Variants in PRPSAP2 observed in about 807,000 individuals in gnomAD.
PRPSAP2 encodes phosphoribosyl pyrophosphate synthetase associated protein 2.
A neutral mutation model predicts 40.6 loss-of-function variants in PRPSAP2; 24 were observed. The observed-to-expected ratio is 0.59, with a 90% confidence interval of 0.43 to 0.83. The LOEUF is 0.83. Among genes scored for constraint, PRPSAP2 ranks in the 40% least tolerant of loss-of-function variants. The pLI is 0.00. For missense variants in PRPSAP2, 292 were observed against 465.6 expected (o/e 0.63, Z 3.43); for synonymous variants, 149 against 164.7 (o/e 0.90, Z 0.73).
At chr17:18,908,304 A>G in intron 8 of PRPSAP2, 9 of 776,640 alleles carry the variant, frequency 1.2e-5, no homozygotes, top group Non-Finnish European at 1.4e-5. Context: ...GAGGACCATG[A>G]TACTTCCACT....
At chr17:18,861,110 T>C (rs1486761296) in intron 1 of PRPSAP2, among the ~76,000 whole-genome samples, 1 of 152,150 alleles carries the variant, frequency 6.6e-6, no homozygotes, top group African/African-American at 2.4e-5. Context: ...ACTCTTTTCT[T>C]GAAGCTTGGT....
At chr17:18,904,672 A>T (rs2040474049) in intron 8 of PRPSAP2, 1 of 152,228 alleles carries the variant, frequency 6.6e-6, no homozygotes, top group Non-Finnish European at 1.5e-5. Context: ...AGTTGTTTTG[A>T]CTAAAAGGGA....
intron 7 of PRPSAP2, among the ~76,000 whole-genome samples, chr17:18,888,800 G>A (rs2039347687): frequency 7.0e-6 from 1 of 142,716 alleles, no homozygotes; most frequent in South Asian, 2.2e-4. Context: ...CCGGGCAGAG[G>A]GGCTCCTCAC....
intron 8 of PRPSAP2, among the ~76,000 whole-genome samples, chr17:18,900,177 G>A (rs1349215413): frequency 6.6e-6 from 1 of 151,844 alleles, no homozygotes; most frequent in Non-Finnish European, 1.5e-5. Context: ...GAGCCACCGT[G>A]CCTGGCTGCT....
chr17:18,872,440 G>T, intron 4 of PRPSAP2, 143 bp from the exon 5 acceptor site: 1 of 640,398 alleles, frequency 1.6e-6, no homozygotes, highest in East Asian at 2.7e-5. Flanking sequence ...ATTATCCCTT[G>T]TAACATCTAA....
intron 5 of PRPSAP2, among the ~76,000 whole-genome samples, chr17:18,875,541 G>C: frequency 6.6e-6 from 1 of 151,596 alleles, no homozygotes; most frequent in East Asian, 1.9e-4. Context: ...TTCCAGCCTG[G>C]GTAAAAGAAC....
chr17:18,860,477 G>T (rs533309655), intron 1 of PRPSAP2: 1 of 152,358 alleles, frequency 6.6e-6, no homozygotes, highest in South Asian at 2.1e-4. Context: ...TGTGGCAGCT[G>T]CACAGGGTAT....
intron 9 of PRPSAP2, among the ~76,000 whole-genome samples, chr17:18,921,089 C>T (rs527800251): frequency 2.6e-5 from 4 of 152,218 alleles, no homozygotes; most frequent in Non-Finnish European, 4.4e-5. Flanking sequence ...CTCCCAGGCT[C>T]AAGCGATTTG....
intron 11 of PRPSAP2, 98 bp from the exon 12 acceptor site, chr17:18,930,442 T>C: frequency 8.4e-7 from 1 of 1,184,464 alleles, no homozygotes; most frequent in Non-Finnish European, 1.2e-6. Flanking sequence ...TTTCCTGTCG[T>C]GGCAAGCCTC....
At chr17:18,902,454 A>G (rs916709166) in intron 8 of PRPSAP2, among the ~76,000 whole-genome samples, 1 of 152,192 alleles carries the variant, frequency 6.6e-6, no homozygotes, top group African/African-American at 2.4e-5. Context: ...AAACAGACCC[A>G]CAGAGATGAA....
At chr17:18,889,027 A>C (rs2039367680) in intron 7 of PRPSAP2, among the ~76,000 whole-genome samples, 1 of 152,228 alleles carries the variant, frequency 6.6e-6, no homozygotes, top group Non-Finnish European at 1.5e-5. Context: ...AGACAAGGAA[A>C]TACATGAAAA....
chr17:18,885,293 CAA>C (rs2039049837), intron 7 of PRPSAP2, among the ~76,000 whole-genome samples: 2 of 148,552 alleles, frequency 1.3e-5, no homozygotes, highest in South Asian at 4.3e-4. Context: ...CCCCCCTACT[CAA>C]GAGGATGAGA....
chr17:18,875,651 C>G (rs749947708), intron 5 of PRPSAP2, among the ~76,000 whole-genome samples: 1 of 151,342 alleles, frequency 6.6e-6, no homozygotes, highest in Non-Finnish European at 1.5e-5. Context: ...ATCAGGAGTT[C>G]AAGACCAGCC....
chr17:18,915,008 G>A (rs2151958899), intron 9 of PRPSAP2, among the ~76,000 whole-genome samples: 1 of 148,064 alleles, frequency 6.8e-6, no homozygotes, highest in South Asian at 2.2e-4. Flanking sequence ...TTACAGACAT[G>A]AACCACTGCA....
intron 8 of PRPSAP2, among the ~76,000 whole-genome samples, chr17:18,890,764 GT>G (rs1255566591): frequency 6.7e-6 from 1 of 150,042 alleles, no homozygotes; most frequent in African/African-American, 2.5e-5. Context: ...CTTCATAGTT[GT>G]TTACTGCCCC....
chr17:18,874,555 C>A (rs1437030068), intron 5 of PRPSAP2, among the ~76,000 whole-genome samples: 1 of 152,170 alleles, frequency 6.6e-6, no homozygotes, highest in Non-Finnish European at 1.5e-5. Context: ...GCAGGGGAGA[C>A]CTGTCCTTGC....
chr17:18,907,001 A>G (rs2040634820), intron 8 of PRPSAP2, among the ~76,000 whole-genome samples: 1 of 151,840 alleles, frequency 6.6e-6, no homozygotes, highest in South Asian at 2.1e-4. Flanking sequence ...CCTGCTCTTC[A>G]TATGTCATGT....
chr17:18,881,301 T>TCTCGGCTCACTGCAAC (rs2038715849), intron 6 of PRPSAP2, among the ~76,000 whole-genome samples: 3 of 151,644 alleles, frequency 2.0e-5, no homozygotes, highest in African/African-American at 7.3e-5. Flanking sequence ...AGTGGTGCGA[T>TCTCGGCTCACTGCAAC]CTCGGCTCAC....
At chr17:18,902,963 G>A (rs992269553) in intron 8 of PRPSAP2, among the ~76,000 whole-genome samples, 1 of 151,754 alleles carries the variant, frequency 6.6e-6, no homozygotes, top group Non-Finnish European at 1.5e-5. Flanking sequence ...GCCAGCCATC[G>A]TGGATGTGGT....
Sources: gnomAD v4.1 joint callset for allele counts (sites outside exome capture counted in the v4.1 genomes callset) on GRCh38, gnomAD v4.1.1 for gene constraint, MANE v1.5 for transcripts, NCBI Gene and HGNC (gene_info 2026-07-23, HGNC 2026-07-21) for gene names.